The following CNTN4 variants were observed in gnomAD, a reference collection of about 807,000 sequenced individuals.
CNTN4 encodes contactin 4.
A neutral mutation model predicts 122.5 loss-of-function variants in CNTN4; 77 were observed. The ratio of observed to expected loss-of-function variants is 0.63; its 90% CI spans 0.52 to 0.76. CNTN4 has a LOEUF of 0.76. Ranked by LOEUF, CNTN4 falls within the 30% of genes least tolerant of loss-of-function variation. The pLI is 0.00. For missense variants in CNTN4, 1,256 were observed against 1,259.1 expected (o/e 1.00, Z 0.04); for synonymous variants, 512 against 447.0 (o/e 1.15, Z -1.83).
At chr3:2,271,647 C>A (rs2041303912) in intron 2 of CNTN4, among the ~76,000 whole-genome samples, 1 of 152,074 alleles carries the variant, frequency 6.6e-6, no homozygotes, top group Admixed American at 6.6e-5. Context: ...TGAGACTTTT[C>A]TTCCTAGATT....
At chr3:2,248,795 G>C in intron 2 of CNTN4, among the ~76,000 whole-genome samples, 1 of 151,960 alleles carries the variant, frequency 6.6e-6, no homozygotes, top group South Asian at 2.1e-4. Context: ...TTCTCCTGAC[G>C]ATATAAAACA....
At chr3:2,259,036 T>C (rs751326218) in intron 2 of CNTN4, among the ~76,000 whole-genome samples, 3 of 152,184 alleles carry the variant, frequency 2.0e-5, no homozygotes, top group Non-Finnish European at 2.9e-5. Context: ...CATACAGAGG[T>C]TAAATAATGT....
intron 2 of CNTN4, among the ~76,000 whole-genome samples, chr3:2,187,633 G>A (rs1419033648): frequency 6.6e-6 from 1 of 152,156 alleles, no homozygotes; most frequent in Non-Finnish European, 1.5e-5. Context: ...CTTAGTTGTA[G>A]TGTGTGTGAG....
intron 6 of CNTN4, among the ~76,000 whole-genome samples, chr3:2,785,595 A>C (rs1008535093): frequency 8.5e-5 from 13 of 152,164 alleles, no homozygotes; most frequent in African/African-American, 3.1e-4. Context: ...GTTTAACACA[A>C]ACAAGTTACA....
At chr3:2,279,356 T>G (rs1382846075) in intron 2 of CNTN4, among the ~76,000 whole-genome samples, 3 of 152,166 alleles carry the variant, frequency 2.0e-5, no homozygotes, top group Admixed American at 6.6e-5. Flanking sequence ...TGGGATATAA[T>G]GCAAGATATA....
intron 6 of CNTN4, among the ~76,000 whole-genome samples, chr3:2,778,337 A>AGAAAACCATGATACAAT (rs2091433927): frequency 6.6e-6 from 1 of 152,082 alleles, no homozygotes; most frequent in Non-Finnish European, 1.5e-5. Flanking sequence ...TGTTTTAAAG[A>AGAAAACCATGATACAAT]TCTTGAGGTA....
At chr3:2,103,484 C>A (rs1289100075) in intron 2 of CNTN4, among the ~76,000 whole-genome samples, 2 of 152,150 alleles carry the variant, frequency 1.3e-5, no homozygotes, top group Admixed American at 1.3e-4. Context: ...TGAATTATAA[C>A]CTTCCTCTGA....
intron 2 of CNTN4, among the ~76,000 whole-genome samples, chr3:2,264,288 G>T (rs1237450086): frequency 6.6e-6 from 1 of 151,892 alleles, no homozygotes; most frequent in Non-Finnish European, 1.5e-5. Context: ...GTTATTTTTT[G>T]TCTTTTTGAT....
chr3:3,047,033 C>A (rs1314591346), intron 23 of CNTN4, among the ~76,000 whole-genome samples: 4 of 148,964 alleles, frequency 2.7e-5, no homozygotes, highest in Non-Finnish European at 6.0e-5. Context: ...ACAAAGAAGG[C>A]CATTACATAA....
chr3:2,776,045 A>C (rs926293757), intron 6 of CNTN4, among the ~76,000 whole-genome samples: 45 of 152,276 alleles, frequency 3.0e-4, no homozygotes, highest in Admixed American at 2.3e-3. Context: ...TGTCAACCTT[A>C]ATAACCGGAT....
intron 14 of CNTN4, among the ~76,000 whole-genome samples, chr3:2,994,613 A>ATATGTG (rs370506181): frequency 2.8e-5 from 4 of 142,158 alleles, no homozygotes; most frequent in African/African-American, 1.0e-4. Context: ...ATATATATAT[A>ATATGTG]TGTGTGTATA....
intron 4 of CNTN4, among the ~76,000 whole-genome samples, chr3:2,583,260 T>G (rs558032283): frequency 6.6e-6 from 1 of 152,332 alleles, no homozygotes; most frequent in Admixed American, 6.5e-5. Context: ...AGCAGATATG[T>G]TACTTCAACA....
chr3:3,023,722 C>G (rs1241966930), intron 14 of CNTN4, among the ~76,000 whole-genome samples: 2 of 152,196 alleles, frequency 1.3e-5, no homozygotes, highest in African/African-American at 4.8e-5. Flanking sequence ...AAGGCAGTAA[C>G]TACCTGACAC....
intron 2 of CNTN4, among the ~76,000 whole-genome samples, chr3:2,138,215 G>A (rs959126370): frequency 6.6e-6 from 1 of 151,962 alleles, no homozygotes; most frequent in Non-Finnish European, 1.5e-5. Flanking sequence ...ACAGGCGCCC[G>A]CCATCACGCC....
intron 4 of CNTN4, among the ~76,000 whole-genome samples, chr3:2,679,712 C>T (rs1340562452): frequency 6.6e-6 from 1 of 152,150 alleles, no homozygotes; most frequent in East Asian, 1.9e-4. Context: ...TCCTTCTACC[C>T]AATCTTTCCC....
intron 14 of CNTN4, among the ~76,000 whole-genome samples, chr3:2,997,398 T>C (rs962109973): frequency 6.6e-6 from 1 of 152,228 alleles, no homozygotes; most frequent in Non-Finnish European, 1.5e-5. Context: ...TGGTCCCAGG[T>C]CTGAAAGGGA....
At chr3:2,982,205 A>G (rs1320326089) in intron 13 of CNTN4, among the ~76,000 whole-genome samples, 2 of 152,190 alleles carry the variant, frequency 1.3e-5, no homozygotes, top group African/African-American at 4.8e-5. Context: ...TTCTTCCATT[A>G]TAGATAGCAT....
chr3:2,772,968 T>C (rs2091167601), intron 6 of CNTN4, among the ~76,000 whole-genome samples: 2 of 152,184 alleles, frequency 1.3e-5, no homozygotes, highest in Admixed American at 1.3e-4. Context: ...GTTGAAAATG[T>C]CCAGTACAAC....
At chr3:2,583,978 G>A (rs2080063364) in intron 4 of CNTN4, among the ~76,000 whole-genome samples, 1 of 152,168 alleles carries the variant, frequency 6.6e-6, no homozygotes, top group Admixed American at 6.5e-5. Flanking sequence ...CAGTGGATAA[G>A]ATCATGGTCC....
Sources: allele counts gnomAD v4.1 joint callset (sites outside exome capture counted in the v4.1 genomes callset), GRCh38; gene constraint gnomAD v4.1.1; transcripts MANE v1.5; gene names NCBI Gene and HGNC (gene_info 2026-07-23, HGNC 2026-07-21).